Variants in LYZL2 observed in about 807,000 individuals in gnomAD.
LYZL2 encodes lysozyme-like protein 2.
LYZL2 carries 13 observed loss-of-function variants against 17.1 expected under a neutral mutation model. That is an observed-to-expected ratio of 0.76 (90% CI 0.49 to 1.21). The LOEUF (loss-of-function observed/expected upper bound fraction) is 1.21, where lower values mean the gene tolerates loss of function less well. LYZL2 is among the 50% of genes most tolerant of loss of function. LYZL2 has a pLI of 0.00. For missense variants in LYZL2, 166 were observed against 189.2 expected (o/e 0.88, Z 0.72); for synonymous variants, 63 against 74.4 (o/e 0.85, Z 0.79).
intron 3 of LYZL2, among the ~76,000 whole-genome samples, chr10:30,616,213 T>A (rs1019095209): frequency 2.0e-5 from 3 of 152,230 alleles, no homozygotes; most frequent in East Asian, 1.9e-4. Flanking sequence ...AGATTTTTTT[T>A]AAGCAAATTT....
At chr10:30,623,895 G>A (rs1281840862) in intron 3 of LYZL2, among the ~76,000 whole-genome samples, 1 of 152,040 alleles carries the variant, frequency 6.6e-6, no homozygotes, top group Non-Finnish European at 1.5e-5. Context: ...AAAAGGTTGG[G>A]GACCACTGAT....
intron 3 of LYZL2, among the ~76,000 whole-genome samples, chr10:30,618,309 G>C (rs1838567404): frequency 6.6e-6 from 1 of 152,170 alleles, no homozygotes. Flanking sequence ...TTTCTTCACA[G>C]AATTGGAAAA....
At position 30,626,169 on chromosome 10, in the gene LYZL2, G is replaced by A. The variant is rs1440309874; in HGVS notation, c.234C>T (p.Asn78=). ...GSIDYGIFQI[N]SFAWCRRGKL... ...TTCCGCGTCTGCACCACGCGAAGCTGTTGATCTGGAAGATGCCGTAGTCGA... is the reference window on the plus strand; with the variant it reads ...TTCCGCGTCTGCACCACGCGAAGCTATTGATCTGGAAGATGCCGTAGTCGA... Residue 78 remains asparagine (N), a synonymous_variant, in exon 3 of 5, where the codon AAC becomes AAT. Transcript: ENST00000647634. 1 of 1,614,154 alleles carries A rather than the reference G, an allele frequency of 6.2e-7. No homozygotes were observed. Among genetic ancestry groups the A allele is most frequent in the South Asian group, 1.1e-5 (1 of 91,078 alleles).
chr10:30,613,150 T>C (rs1366232552), intron 3 of LYZL2, among the ~76,000 whole-genome samples: 1 of 152,182 alleles, frequency 6.6e-6, no homozygotes, highest in East Asian at 1.9e-4. Flanking sequence ...CCTGAAGGGT[T>C]TTTGGAAATG....
At chr10:30,618,212 G>C (rs1441720169) in intron 3 of LYZL2, among the ~76,000 whole-genome samples, 1 of 152,142 alleles carries the variant, frequency 6.6e-6, no homozygotes, top group Non-Finnish European at 1.5e-5. Context: ...CATGTTCATG[G>C]GTAGGAAGAA....
At chr10:30,619,440 A>G (rs1002120189) in intron 3 of LYZL2, among the ~76,000 whole-genome samples, 5 of 152,212 alleles carry the variant, frequency 3.3e-5, no homozygotes, top group African/African-American at 1.2e-4. Context: ...ATGTCCAACA[A>G]TGATAGACTG....
At chr10:30,629,495 C>A in intron 1 of LYZL2, 98 bp downstream of exon 1, 2 of 1,174,802 alleles carry the variant, frequency 1.7e-6, no homozygotes, top group South Asian at 1.7e-5. Flanking sequence ...AAACCCGTAG[C>A]AATGATAACC....
Position 30,626,196 on chromosome 10 carries a change from G to A in LYZL2, c.207C>T (p.Ser69=), listed in dbSNP as rs1220441994. The A allele has an allele frequency of 6.2e-7, 1 of 1,614,138 alleles. No individual in the cohort carries two copies. Among genetic ancestry groups the A allele is most frequent in the Admixed American group, 1.7e-5 (1 of 60,016 alleles). ...TGATCTGGAAGATGCCGTAGTCGAT[G>A]CTGCCGTCATCCAGGACCGTCTGGG... is the stretch of plus-strand genomic sequence containing the variant. ...TTAQTVLDDG[S]IDYGIFQINS... The change falls in exon 3 of 5, where the codon AGC becomes AGT. Residue 69 remains serine (S), a synonymous_variant. Transcript: ENST00000647634.
intron 3 of LYZL2, among the ~76,000 whole-genome samples, chr10:30,617,759 T>A (rs942034446): frequency 2.7e-5 from 4 of 147,490 alleles, no homozygotes. Context: ...CTTTGAAAAC[T>A]AGCACAAGAC....
chr10:30,610,027 A>T (rs1332913505), downstream of LYZL2, among the ~76,000 whole-genome samples: 2 of 152,292 alleles, frequency 1.3e-5, no homozygotes, highest in East Asian at 3.9e-4. Flanking sequence ...AATCAGGGGT[A>T]TCCAATCTTT....
chr10:30,626,260 A>G lies in LYZL2; in HGVS notation c.143T>C (p.Ile48Thr), dbSNP rs868682711. ...GCCGCTCTCATAATACGCCATGCAG[A>G]TCCCTGGAGGGGGGAAAGCCAGAAA... ...NYWGFSLGNW[I>T]CMAYYESGYN... Residue 48 changes from isoleucine (I) to threonine (T), a missense_variant, in exon 3 of 5, where the codon ATC becomes ACC. Ile to Thr is a moderately conservative substitution (Grantham distance 89). Coordinates refer to ENST00000647634, the MANE Select transcript of LYZL2 (RefSeq NM_183058.3). 6.2e-7 allele frequency: 1 copy of G among 1,613,536 alleles called. No homozygotes were observed. The highest frequency in any genetic ancestry group is 1.7e-5 in the Admixed American group (1 of 59,886).
At chr10:30,619,247 A>ACC (rs1838582047) in intron 3 of LYZL2, among the ~76,000 whole-genome samples, 1 of 152,218 alleles carries the variant, frequency 6.6e-6, no homozygotes, top group Admixed American at 6.5e-5. Flanking sequence ...AACTAGTTCA[A>ACC]CCATTGTGGA....
chr10:30,607,401 G>T (rs569998804), downstream of LYZL2, among the ~76,000 whole-genome samples: 1 of 151,972 alleles, frequency 6.6e-6, no homozygotes, highest in Non-Finnish European at 1.5e-5. Context: ...GCAGCTTCGT[G>T]TAAGGAAACG....
intron 3 of LYZL2, among the ~76,000 whole-genome samples, chr10:30,618,412 C>G (rs1159631156): frequency 6.6e-6 from 1 of 152,228 alleles, no homozygotes; most frequent in East Asian, 1.9e-4. Flanking sequence ...ATCACGCTAC[C>G]TGACTTCCAA....
At chr10:30,617,807 G>A (rs1244408078) in intron 3 of LYZL2, among the ~76,000 whole-genome samples, 1 of 151,924 alleles carries the variant, frequency 6.6e-6, no homozygotes, top group Non-Finnish European at 1.5e-5. Flanking sequence ...TCAACATAGT[G>A]TTGGAAGTTC....
Position 30,626,222 on chromosome 10 carries a change from C to G in LYZL2, c.181G>C (p.Ala61Pro). The G allele has an allele frequency of 6.2e-7, 1 of 1,614,258 alleles. No homozygotes were observed. Among genetic ancestry groups the G allele is most frequent in the Non-Finnish European group, 8.5e-7 (1 of 1,180,042 alleles). The stretch of plus-strand genomic sequence containing the variant: ...CTGCCGTCATCCAGGACCGTCTGGG[C>G]TGTGGTGTTGTAGCCGCTCTCATAA... Reference protein sequence around the residue: ...AYYESGYNTTAQTVLDDGSID... With the variant: ...AYYESGYNTTPQTVLDDGSID... Residue 61 changes from alanine (A) to proline (P), a missense_variant, in exon 3 of 5, where the codon GCC becomes CCC. Ala to Pro is a conservative substitution (Grantham distance 27, BLOSUM62 -1). Around this residue, in one of 2 missense-constraint regions of LYZL2, gnomAD observed 134 missense variants for 129.4 expected, o/e 1.04. Coordinates refer to ENST00000647634, the MANE Select transcript of LYZL2 (RefSeq NM_183058.3).
At position 30,629,658 on chromosome 10, in the gene LYZL2, A is replaced by C. The variant is rs185707022; in HGVS notation, c.-91T>G. ...TCTCAGTTGAGTCTGCGGAAGAAACACTGCTCCACTTAGTCGGTGACAGGC... is the reference window on the plus strand; with the variant it reads ...TCTCAGTTGAGTCTGCGGAAGAAACCCTGCTCCACTTAGTCGGTGACAGGC... On this transcript the variant is annotated 5_prime_UTR_variant, in exon 1 of 5. Coordinates refer to ENST00000647634, the MANE Select transcript of LYZL2 (RefSeq NM_183058.3). The C allele has an allele frequency of 9.9e-6, 16 of 1,614,202 alleles. No homozygotes were observed. In the East Asian group the frequency reaches 3.1e-4, roughly 31 times the overall value.
At chr10:30,611,372 GC>G (rs762577421), downstream of LYZL2, among the ~76,000 whole-genome samples, 44 of 151,656 alleles carry the variant, frequency 2.9e-4, no homozygotes, top group Non-Finnish European at 5.9e-4. Context: ...GGTGGCACAT[GC>G]CTGCAATCCC....
chr10:30,615,977 A>G (rs1334566067), intron 3 of LYZL2, among the ~76,000 whole-genome samples: 1 of 152,224 alleles, frequency 6.6e-6, no homozygotes, highest in Non-Finnish European at 1.5e-5. Flanking sequence ...TCTTTACTGT[A>G]TATTTTCTAA....
Sources: allele counts gnomAD v4.1 joint callset (sites outside exome capture counted in the v4.1 genomes callset), GRCh38; gene constraint gnomAD v4.1.1; regional missense constraint gnomAD v4.1.1; transcripts MANE v1.5; gene names NCBI Gene and HGNC (gene_info 2026-07-23, HGNC 2026-07-21).